ARRB1: variants seen among roughly 807,000 people sequenced by gnomAD.
ARRB1 encodes beta-arrestin-1.
Under a neutral mutation model 56.8 loss-of-function variants are expected in ARRB1, and 21 were observed. The ratio of observed to expected loss-of-function variants is 0.37; its 90% CI spans 0.26 to 0.53. The LOEUF is 0.53. Ranked by LOEUF, ARRB1 falls within the 20% of genes least tolerant of loss-of-function variation. The pLI is 0.88. For synonymous variants in ARRB1, 210 were observed against 218.6 expected (o/e 0.96, Z 0.35); for missense variants, 424 against 553.7 (o/e 0.77, Z 2.35).
At position 75,265,804 on chromosome 11, in the gene ARRB1, C is replaced by T; in HGVS notation, c.*359G>A. 3.3e-6 allele frequency: 1 copy of T among 302,094 alleles called. No homozygotes were observed. The highest frequency in any genetic ancestry group is 3.7e-5 in the South Asian group (1 of 26,984). 18.7% of individuals were successfully genotyped at this position (302,094 alleles called of 1,614,324 possible). ...TCTTGAGCCCTCATCCCCACCCCTC[C>T]AAGCCCTCATGCCCACCACACCGTG... is the stretch of plus-strand genomic sequence containing the variant. On this transcript the variant is annotated 3_prime_UTR_variant, in exon 16 of 16. Transcript: ENST00000420843.
rs186782401 is a variant in ARRB1 at position 75,332,253 on chromosome 11, G to A, written c.20+19335C>T. Among the ~76,000 whole-genome samples the A allele has an allele frequency of 2.7e-3, 408 of 152,280 alleles. 2 individuals carry two copies. The highest frequency in any genetic ancestry group is 6.9e-3 in the Admixed American group (106 of 15,298). Reference sequence around the variant, plus strand: ...TCACAGGGATGTGTGTGACAATTGCGAGATAAGGAAGAAAATCAGAATATT... The same window carrying A: ...TCACAGGGATGTGTGTGACAATTGCAAGATAAGGAAGAAAATCAGAATATT... On this transcript the variant is annotated intron_variant, in intron 1 of 15. Transcript: ENST00000420843.
At chr11:75,331,546 C>G (rs922985264) in intron 1 of ARRB1, among the ~76,000 whole-genome samples, 8 of 152,126 alleles carry the variant, frequency 5.3e-5, no homozygotes, top group Admixed American at 5.2e-4. Flanking sequence ...AATTCCTTCT[C>G]CTGGCTCATC....
At chr11:75,310,995 T>C (rs1947143095) in intron 1 of ARRB1, among the ~76,000 whole-genome samples, 1 of 152,034 alleles carries the variant, frequency 6.6e-6, no homozygotes, top group African/African-American at 2.4e-5. Flanking sequence ...GAGACAGATG[T>C]CCAAACCAAT....
intron 3 of ARRB1, among the ~76,000 whole-genome samples, chr11:75,284,657 A>G (rs1329884874): frequency 6.6e-6 from 1 of 152,176 alleles, no homozygotes; most frequent in African/African-American, 2.4e-5. Flanking sequence ...TAATCCCAAC[A>G]CTTTGGGAGG....
chr11:75,291,559 G>A (rs571687619), intron 1 of ARRB1, among the ~76,000 whole-genome samples: 92 of 152,190 alleles, frequency 6.0e-4, no homozygotes, highest in African/African-American at 2.0e-3. Flanking sequence ...CTTGCCTTCC[G>A]TATCTCCTCC....
intron 1 of ARRB1, among the ~76,000 whole-genome samples, chr11:75,307,036 A>C (rs183297699): frequency 3.3e-5 from 5 of 152,250 alleles, no homozygotes; most frequent in African/African-American, 1.2e-4. Flanking sequence ...CCTCCTGTCC[A>C]TCAGAGGATC....
In ARRB1 at chr11:75,267,723, G is replaced by C; in HGVS notation, c.1094-20C>G. ...CTGGAACTAAACACAGGGTGGGTGG[G>C]CAGGGTGTCCAGGGATTAGTGAGTG... On this transcript the variant is annotated intron_variant, in intron 14 of 15. Coordinates refer to ENST00000420843, the MANE Select transcript of ARRB1 (RefSeq NM_004041.5). The C allele has an allele frequency of 5.0e-6, 5 of 1,006,438 alleles. No homozygotes were observed. The highest frequency in any genetic ancestry group is 1.3e-5 in the South Asian group (1 of 78,636). The allele number at this position is 1,006,438 out of a possible 1,614,324, so 62.3% of individuals were successfully genotyped here.
intron 1 of ARRB1, among the ~76,000 whole-genome samples, chr11:75,297,238 G>T (rs1318099116): frequency 6.6e-6 from 1 of 150,708 alleles, no homozygotes; most frequent in Non-Finnish European, 1.5e-5. Context: ...ATAAGGAAAT[G>T]CCAGGGATCC....
chr11:75,283,565 C>G lies in ARRB1; in HGVS notation c.158-82G>C, dbSNP rs1006165758. Reference sequence around the variant, plus strand: ...CAGAGTGCCGGCAGCAGCCCTGGGACGGGCCCCACTGGAGGCCCCAAGCCT... The same window carrying G: ...CAGAGTGCCGGCAGCAGCCCTGGGAGGGGCCCCACTGGAGGCCCCAAGCCT... On this transcript the variant is annotated intron_variant, in intron 4 of 15. Coordinates refer to ENST00000420843, the MANE Select transcript of ARRB1 (RefSeq NM_004041.5). The G allele has an allele frequency of 6.5e-6, 9 of 1,379,716 alleles. No homozygotes were observed. The East Asian group carries it at 7.5e-5, about 12-fold the overall frequency. The allele number at this position is 1,379,716 out of a possible 1,614,324, so 85.5% of individuals were successfully genotyped here. A position where few individuals can be genotyped will look rare whatever the true frequency, so the allele number is the denominator to read the frequency against.
intron 5 of ARRB1, among the ~76,000 whole-genome samples, chr11:75,282,857 A>T (rs1288900284): frequency 6.6e-6 from 1 of 152,226 alleles, no homozygotes; most frequent in Non-Finnish European, 1.5e-5. Flanking sequence ...GAAATCCAGC[A>T]TCTTAAAGTC....
intron 1 of ARRB1, among the ~76,000 whole-genome samples, chr11:75,309,104 T>C (rs1399471554): frequency 6.6e-6 from 1 of 152,266 alleles, no homozygotes. Flanking sequence ...CCCTGCTCCT[T>C]TTCTGGCCCA....
intron 1 of ARRB1, among the ~76,000 whole-genome samples, chr11:75,346,992 C>T (rs73492828): frequency 0.023 from 3,551 of 152,332 alleles, 133 homozygotes; most frequent in African/African-American, 0.079. Flanking sequence ...CTGGCAGTAG[C>T]GGAGCATGGC....
At chr11:75,300,571 C>G (rs1195117934) in intron 1 of ARRB1, among the ~76,000 whole-genome samples, 1 of 152,204 alleles carries the variant, frequency 6.6e-6, no homozygotes, top group Non-Finnish European at 1.5e-5. Flanking sequence ...GTGGTTCACA[C>G]CTTTAATCCC....
chr11:75,307,780 C>T (rs910857059), intron 1 of ARRB1, among the ~76,000 whole-genome samples: 1 of 151,788 alleles, frequency 6.6e-6, no homozygotes, highest in Non-Finnish European at 1.5e-5. Flanking sequence ...AGCCACCATG[C>T]CATATTTATG....
chr11:75,281,394 A>G (rs1946334688), intron 6 of ARRB1, among the ~76,000 whole-genome samples: 1 of 152,010 alleles, frequency 6.6e-6, no homozygotes, highest in African/African-American at 2.4e-5. Flanking sequence ...TTCCTGCCTC[A>G]GTCTGGGTGG....
chr11:75,267,665 C>G lies in ARRB1; in HGVS notation c.1132G>C (p.Glu378Gln). The G allele has an allele frequency of 7.2e-7, 1 of 1,388,688 alleles. No individual in the cohort carries two copies. Among genetic ancestry groups the G allele is most frequent in the Non-Finnish European group, 9.6e-7 (1 of 1,038,456 alleles). The allele number at this position is 1,388,688 out of a possible 1,614,324, so 86.0% of individuals were successfully genotyped here. A position where few individuals can be genotyped will look rare whatever the true frequency, so the allele number is the denominator to read the frequency against. The part of the protein sequence containing the change: ...NETPVDTNLI[E>Q]LDTNDDDIVF... ...GGTTCAGCTTACTTTGTGTCAAGTT[C>G]TATGAGATTGGTATCTACTGGCGTC... The change falls in exon 15 of 16, where the codon GAA becomes CAA. Residue 378 changes from glutamate (E) to glutamine (Q), a missense_variant. By Grantham distance (29) the Glu-to-Gln change is conservative (BLOSUM62 2). Around this residue, in one of 3 missense-constraint regions of ARRB1, gnomAD observed 121 missense variants for 147.3 expected, o/e 0.82. Transcript: ENST00000420843.
intron 1 of ARRB1, among the ~76,000 whole-genome samples, chr11:75,331,318 A>AT (rs201879386): frequency 3.0e-3 from 441 of 147,644 alleles, no homozygotes; most frequent in South Asian, 0.015. Context: ...GCCATGTCTG[A>AT]TTTTTTTTTT....
intron 10 of ARRB1, among the ~76,000 whole-genome samples, chr11:75,275,940 C>T (rs1439459089): frequency 6.6e-6 from 1 of 152,228 alleles, no homozygotes; most frequent in Admixed American, 6.5e-5. Flanking sequence ...GATCACTTCA[C>T]TTTACCATCA....
intron 2 of ARRB1, among the ~76,000 whole-genome samples, 170 bp downstream of exon 2, chr11:75,289,839 C>A (rs2140438976): frequency 6.6e-6 from 1 of 152,356 alleles, no homozygotes; most frequent in African/African-American, 2.4e-5. Context: ...CCCCCTTCAA[C>A]TGACAGCTCC....
Sources: allele counts gnomAD v4.1 joint callset (sites outside exome capture counted in the v4.1 genomes callset), GRCh38; gene constraint gnomAD v4.1.1; regional missense constraint gnomAD v4.1.1; transcripts MANE v1.5; gene names NCBI Gene and HGNC (gene_info 2026-07-23, HGNC 2026-07-21).